LRP1B: variants seen among roughly 807,000 people sequenced by gnomAD.
LRP1B encodes the protein LDL receptor related protein 1B.
In LRP1B, 217 loss-of-function variants were observed where a neutral mutation model predicts 556.6. The observed-to-expected ratio is 0.39, with a 90% CI of 0.35 to 0.44. The LOEUF is 0.44. LRP1B is among the 20% of genes least tolerant of loss of function. The pLI, the probability that LRP1B is intolerant of heterozygous loss-of-function variation, is 1.00. For missense variants in LRP1B, 5,053 were observed against 5,620.8 expected, an observed-to-expected ratio of 0.90 and a Z score of 3.23; for synonymous variants, 2,047 against 1,865.8, an observed-to-expected ratio of 1.10 and a Z score of -2.50.
intron 3 of LRP1B, among the ~76,000 whole-genome samples, chr2:141,419,179 A>G (rs1486302538): frequency 6.6e-6 from 1 of 151,972 alleles, no homozygotes; most frequent in African/African-American, 2.4e-5. Context: ...TTAATGTGCC[A>G]TTGAATTCAC....
chr2:141,969,977 A>T (rs1026882064), intron 1 of LRP1B, among the ~76,000 whole-genome samples: 5 of 151,322 alleles, frequency 3.3e-5, no homozygotes, highest in Non-Finnish European at 5.9e-5. Context: ...CCATTGTTAC[A>T]TGTGTGAGCT....
intron 41 of LRP1B, among the ~76,000 whole-genome samples, chr2:140,635,859 T>G (rs1684054109): frequency 6.6e-6 from 1 of 152,068 alleles, no homozygotes; most frequent in African/African-American, 2.4e-5. Flanking sequence ...ATTCCTGAAG[T>G]TGAGTGAAAT....
chr2:140,610,648 C>A (rs1683037907), intron 41 of LRP1B, among the ~76,000 whole-genome samples: 1 of 152,152 alleles, frequency 6.6e-6, no homozygotes, highest in East Asian at 1.9e-4. Context: ...TGCAGTGGTG[C>A]GATCTTGGCT....
rs531448047 is a variant in LRP1B at position 142,006,711 on chromosome 2, CT to C, written c.82+123936del. Among the ~76,000 whole-genome samples the C allele has an allele frequency of 3.7e-3, 556 of 151,448 alleles. 4 individuals are homozygous for C. Among genetic ancestry groups the C allele is most frequent in the South Asian group, 5.8e-3 (28 of 4,794 alleles). The stretch of plus-strand genomic sequence containing the variant: ...TGCTTGAAAGTTTTATAGAGGGCTA[CT>C]TTTTTTTTCAAAAATTTCTGTTTTA... On this transcript the variant is annotated intron_variant, in intron 1 of 90. Coordinates refer to ENST00000389484, the MANE Select transcript of LRP1B (RefSeq NM_018557.3).
chr2:141,731,572 C>T (rs1693274740), intron 2 of LRP1B, among the ~76,000 whole-genome samples: 1 of 152,142 alleles, frequency 6.6e-6, no homozygotes, highest in South Asian at 2.1e-4. Flanking sequence ...CTTTGTCTTA[C>T]ACTTTCACAG....
In LRP1B at chr2:140,378,294, T is replaced by C. The variant is rs1558840653; in HGVS notation, c.10532-8A>G. On this transcript the variant is annotated splice_polypyrimidine_tract_variant and splice_region_variant and intron_variant, in intron 67 of 90. Transcript: ENST00000389484. ...ATGTACATGTCTGTGGCTCTGGGGATAAAAAAACAGCACAGGGTTATTCTA... is the reference window on the plus strand; with the variant it reads ...ATGTACATGTCTGTGGCTCTGGGGACAAAAAAACAGCACAGGGTTATTCTA... 16 of 1,477,220 alleles carry C rather than the reference T, an allele frequency of 1.1e-5. No homozygotes were observed. The highest frequency in any genetic ancestry group is 1.5e-5 in the Non-Finnish European group (16 of 1,057,776). The allele number at this position is 1,477,220 out of a possible 1,614,324, so 91.5% of individuals were successfully genotyped here.
chr2:141,762,632 T>C (rs1042140573), intron 2 of LRP1B, among the ~76,000 whole-genome samples: 1 of 152,146 alleles, frequency 6.6e-6, no homozygotes, highest in African/African-American at 2.4e-5. Context: ...TGCAGCATGA[T>C]AAGGTTTCAA....
chr2:140,512,223 A>T (rs1336443767), intron 51 of LRP1B, among the ~76,000 whole-genome samples: 1 of 152,192 alleles, frequency 6.6e-6, no homozygotes, highest in Non-Finnish European at 1.5e-5. Context: ...ATCATTACTG[A>T]GATATCTCCA....
chr2:140,399,805 G>T (rs1229473656), intron 66 of LRP1B, among the ~76,000 whole-genome samples: 1 of 152,200 alleles, frequency 6.6e-6, no homozygotes, highest in African/African-American at 2.4e-5. Context: ...AGATGATAAT[G>T]ATCAATAGTT....
At chr2:140,977,794 C>T (rs1460621411) in intron 18 of LRP1B, among the ~76,000 whole-genome samples, 2 of 152,122 alleles carry the variant, frequency 1.3e-5, no homozygotes, top group Non-Finnish European at 2.9e-5. Flanking sequence ...TTTGATCACA[C>T]ATTTCATCAT....
chr2:140,358,463 A>T (rs1682342423), intron 73 of LRP1B, among the ~76,000 whole-genome samples: 1 of 151,698 alleles, frequency 6.6e-6, no homozygotes, highest in Non-Finnish European at 1.5e-5. Flanking sequence ...TGCATTAAAA[A>T]CTTTTTGAAC....
intron 66 of LRP1B, among the ~76,000 whole-genome samples, chr2:140,389,124 AC>A (rs777394589): frequency 3.6e-4 from 52 of 145,968 alleles, no homozygotes; most frequent in Non-Finnish European, 6.5e-4. Context: ...TATGGAGAAA[AC>A]AAATATGGAA....
At chr2:140,847,960 C>T (rs368557523) in intron 29 of LRP1B, among the ~76,000 whole-genome samples, 11 of 151,828 alleles carry the variant, frequency 7.2e-5, no homozygotes, top group African/African-American at 2.7e-4. Context: ...GATAAACTCA[C>T]CAAATTACTA....
chr2:140,402,529 A>G (rs904153975), intron 66 of LRP1B, among the ~76,000 whole-genome samples: 1 of 152,140 alleles, frequency 6.6e-6, no homozygotes, highest in Non-Finnish European at 1.5e-5. Flanking sequence ...ATTCCTCTCT[A>G]CTTGGAATAT....
intron 7 of LRP1B, among the ~76,000 whole-genome samples, chr2:141,166,845 CTTTTGAT>C (rs533959909): frequency 1.1e-3 from 170 of 151,144 alleles, no homozygotes; most frequent in African/African-American, 3.3e-3. Flanking sequence ...CAATTAAACT[CTTTTGAT>C]TTAATAACTG....
chr2:141,113,259 T>C (rs916150331), intron 7 of LRP1B, among the ~76,000 whole-genome samples: 1 of 152,188 alleles, frequency 6.6e-6, no homozygotes, highest in Non-Finnish European at 1.5e-5. Flanking sequence ...AGAGATTTAC[T>C]GCTTTCAGAG....
intron 18 of LRP1B, among the ~76,000 whole-genome samples, chr2:140,958,298 T>C (rs544860492): frequency 4.2e-4 from 63 of 151,640 alleles, no homozygotes; most frequent in African/African-American, 1.3e-3. Context: ...TAAGTCAAAA[T>C]GTATTTAAAA....
chr2:140,846,414 G>A (rs975572694), intron 29 of LRP1B, among the ~76,000 whole-genome samples: 9 of 152,032 alleles, frequency 5.9e-5, no homozygotes, highest in African/African-American at 1.9e-4. Context: ...AAAATTAGCT[G>A]GGCATGGTGG....
chr2:141,319,299 G>GTTTTTTGTTTTTTTTTTTTTTTT (rs1687143575), intron 3 of LRP1B, among the ~76,000 whole-genome samples: 1 of 80,440 alleles, frequency 1.2e-5, no homozygotes, highest in African/African-American at 5.1e-5. Flanking sequence ...AAAAAGCAGT[G>GTTTTTTGTTTTTTTTTTTTTTTT]TTTTTTTGTT....
Sources: allele counts gnomAD v4.1 joint callset (sites outside exome capture counted in the v4.1 genomes callset), GRCh38; gene constraint gnomAD v4.1.1; transcripts MANE v1.5; gene names NCBI Gene and HGNC (gene_info 2026-07-23, HGNC 2026-07-21).